Variants in TAFA1 observed in about 807,000 individuals in gnomAD.
TAFA1 encodes chemokine-like protein TAFA-1.
Under a neutral mutation model 18.5 loss-of-function variants are expected in TAFA1, and 4 were observed. The ratio of observed to expected loss-of-function variants is 0.22; its 90% CI spans 0.11 to 0.49. The LOEUF (loss-of-function observed/expected upper bound fraction) is 0.49, where lower values mean the gene tolerates loss of function less well. Ranked by LOEUF, TAFA1 falls within the 20% of genes least tolerant of loss-of-function variation. The pLI, the probability that TAFA1 is intolerant of heterozygous loss-of-function variation, is 0.98. For missense variants in TAFA1, 147 were observed against 169.0 expected (o/e 0.87, Z 0.72); for synonymous variants, 56 against 55.2 (o/e 1.01, Z -0.06).
chr3:68,514,713 A>C (rs1240939178), intron 3 of TAFA1, among the ~76,000 whole-genome samples: 1 of 86,250 alleles, frequency 1.2e-5, no homozygotes, highest in Non-Finnish European at 2.3e-5. Flanking sequence ...GGTACCACCC[A>C]GCAATGAAAA....
At chr3:68,278,389 T>C (rs1186449733) in intron 2 of TAFA1, among the ~76,000 whole-genome samples, 2 of 152,154 alleles carry the variant, frequency 1.3e-5, no homozygotes, top group African/African-American at 2.4e-5. Context: ...TACCAATATA[T>C]TGCCACACTT....
chr3:68,386,111 G>A (rs1398895692), intron 2 of TAFA1, among the ~76,000 whole-genome samples: 1 of 152,048 alleles, frequency 6.6e-6, no homozygotes, highest in Non-Finnish European at 1.5e-5. Context: ...TTGCTGACTT[G>A]CTATGAACAA....
intron 2 of TAFA1, among the ~76,000 whole-genome samples, chr3:68,079,229 G>A (rs907041806): frequency 1.6e-4 from 24 of 152,240 alleles, no homozygotes; most frequent in African/African-American, 5.8e-4. Context: ...CTTGCTAGTA[G>A]TCTATCAATT....
Position 68,080,914 on chromosome 3 carries a change from A to T in TAFA1, c.118+74170A>T, listed in dbSNP as rs371392894. On this transcript the variant is annotated intron_variant, in intron 2 of 4. Transcript: ENST00000478136. Reference sequence around the variant, plus strand: ...ATAATATCCTGCAGAGTGTTTTCCAACTTGGTTCCATTCTCCCCATCACTT... The same window carrying T: ...ATAATATCCTGCAGAGTGTTTTCCATCTTGGTTCCATTCTCCCCATCACTT... Among the ~76,000 whole-genome samples, 16 of 152,230 alleles carry T rather than the reference A, an allele frequency of 1.1e-4. No individual in the cohort carries two copies. The East Asian group carries it at 3.1e-3, about 29-fold the overall frequency.
rs543305149 is a variant in TAFA1, at chr3:68,414,264, G to A, written c.119-3016G>A. On this transcript the variant is annotated intron_variant, in intron 2 of 4. Transcript: ENST00000478136. Reference sequence around the variant, plus strand: ...AGAGGTTGCAGTGAACTGAGATCGCGCCATTGCACTCCAGCCTAGGCAACA... The same window carrying A: ...AGAGGTTGCAGTGAACTGAGATCGCACCATTGCACTCCAGCCTAGGCAACA... Among the ~76,000 whole-genome samples, 18 of 152,190 alleles carry A rather than the reference G, an allele frequency of 1.2e-4. No homozygotes were observed. The South Asian group carries it at 2.1e-3, about 18-fold the overall frequency.
chr3:68,505,328 C>T (rs1397250), intron 3 of TAFA1, among the ~76,000 whole-genome samples: 121,582 of 152,166 alleles, frequency 0.8, 48,898 homozygotes, highest in African/African-American at 0.89. Context: ...CTTACACTCA[C>T]TGGCATTGTG....
At chr3:68,349,523 A>G (rs1370066482) in intron 2 of TAFA1, among the ~76,000 whole-genome samples, 1 of 152,116 alleles carries the variant, frequency 6.6e-6, no homozygotes, top group African/African-American at 2.4e-5. Flanking sequence ...TTATTTGGGC[A>G]TAGAGTGTTT....
intron 2 of TAFA1, among the ~76,000 whole-genome samples, chr3:68,239,476 A>G (rs9863981): frequency 0.27 from 40,628 of 151,792 alleles, 5,785 homozygotes; most frequent in Admixed American, 0.35. Context: ...TTTTTTCCCA[A>G]TATTTCACCC....
chr3:68,327,679 G>A (rs559731111), intron 2 of TAFA1, among the ~76,000 whole-genome samples: 1 of 152,234 alleles, frequency 6.6e-6, no homozygotes, highest in South Asian at 2.1e-4. Flanking sequence ...ACTCAACAAA[G>A]GGCATTAGTT....
chr3:68,020,494 G>A (rs1704664118), intron 2 of TAFA1, among the ~76,000 whole-genome samples: 1 of 151,710 alleles, frequency 6.6e-6, no homozygotes, highest in Non-Finnish European at 1.5e-5. Context: ...TAGAGACAAT[G>A]TTTGTTCTAC....
At chr3:68,167,798 C>T (rs1230858336) in intron 2 of TAFA1, among the ~76,000 whole-genome samples, 1 of 152,000 alleles carries the variant, frequency 6.6e-6, no homozygotes, top group Non-Finnish European at 1.5e-5. Context: ...TAAATTACTT[C>T]CAAGATAGGG....
At chr3:68,535,384 G>GAA (rs143280757) in intron 3 of TAFA1, among the ~76,000 whole-genome samples, 7 of 123,272 alleles carry the variant, frequency 5.7e-5, no homozygotes, top group African/African-American at 1.2e-4. Flanking sequence ...CCATCAAAAA[G>GAA]AAAAAAAAAA....
chr3:68,327,363 C>A (rs893662736), intron 2 of TAFA1, among the ~76,000 whole-genome samples: 2 of 151,982 alleles, frequency 1.3e-5, no homozygotes, highest in Non-Finnish European at 2.9e-5. Context: ...ACAGTTCTAG[C>A]AGAGTTTTGT....
intron 2 of TAFA1, among the ~76,000 whole-genome samples, chr3:68,291,116 A>G (rs907345567): frequency 6.6e-6 from 1 of 152,158 alleles, no homozygotes; most frequent in Admixed American, 6.5e-5. Context: ...TGTTAGTTCT[A>G]TGCACCTCAG....
At chr3:68,459,587 A>T (rs2071735688) in intron 3 of TAFA1, among the ~76,000 whole-genome samples, 1 of 152,230 alleles carries the variant, frequency 6.6e-6, no homozygotes, top group Admixed American at 6.5e-5. Context: ...AACTGTGAGG[A>T]CAAAATAAAT....
chr3:68,316,312 T>A (rs1349273757), intron 2 of TAFA1, among the ~76,000 whole-genome samples: 1 of 152,210 alleles, frequency 6.6e-6, no homozygotes, highest in Admixed American at 6.5e-5. Flanking sequence ...ATGAACTGGT[T>A]AAATAAATTT....
At chr3:68,382,771 G>A (rs1253158100) in intron 2 of TAFA1, among the ~76,000 whole-genome samples, 2 of 152,136 alleles carry the variant, frequency 1.3e-5, no homozygotes, top group East Asian at 1.9e-4. Flanking sequence ...AATAGAAATA[G>A]CATTGAATCT....
Position 68,243,342 on chromosome 3 carries a change from A to ATG in TAFA1, c.119-173926_119-173925dup, listed in dbSNP as rs143213306. 6.9e-4 allele frequency among the ~76,000 whole-genome samples: 105 copies of ATG among 151,616 alleles called. 2 individuals are homozygous for ATG. Among genetic ancestry groups the ATG allele is most frequent in the South Asian group, 6.3e-4 (3 of 4,796 alleles). On this transcript the variant is annotated intron_variant, in intron 2 of 4. Transcript: ENST00000478136. ...ACCAGTTATACCTGTACTCATTTGC[A>ATG]TGTGTGTGTGTGTAGATCTATGCTC...
chr3:68,076,078 A>C (rs1032228246), intron 2 of TAFA1, among the ~76,000 whole-genome samples: 1 of 152,200 alleles, frequency 6.6e-6, no homozygotes, highest in Non-Finnish European at 1.5e-5. Context: ...AGTGAGCATC[A>C]CAGAAATGTG....
Sources: allele counts gnomAD v4.1 joint callset (sites outside exome capture counted in the v4.1 genomes callset), GRCh38; gene constraint gnomAD v4.1.1; transcripts MANE v1.5; gene names NCBI Gene and HGNC (gene_info 2026-07-23, HGNC 2026-07-21).